Variants in DNAAF5 observed in about 807,000 individuals in gnomAD.
DNAAF5 encodes HEAT repeat containing 2.
Under a neutral mutation model 75.8 loss-of-function variants are expected in DNAAF5, and 64 were observed. The ratio of observed to expected loss-of-function variants is 0.84; its 90% confidence interval spans 0.69 to 1.04. The LOEUF (loss-of-function observed/expected upper bound fraction) is 1.04. DNAAF5 is among the 50% of genes least tolerant of loss of function. The probability of loss-of-function intolerance (pLI) is 0.00; values close to 1 mark genes in which losing one functional copy is unlikely to be tolerated. For missense variants in DNAAF5, 1,269 were observed against 1,178.5 expected, an observed-to-expected ratio of 1.08 and a Z score of -1.12; for synonymous variants, 657 against 557.2, an observed-to-expected ratio of 1.18 and a Z score of -2.52.
chr7:755,296 C>T (rs1782447868), intron 5 of DNAAF5, among the ~76,000 whole-genome samples: 1 of 152,192 alleles, frequency 6.6e-6, no homozygotes, highest in Admixed American at 6.5e-5. Context: ...TTCTCACTCC[C>T]TGTCCACACT....
intron 4 of DNAAF5, among the ~76,000 whole-genome samples, chr7:752,278 C>T (rs1030755472): frequency 2.0e-5 from 3 of 152,260 alleles, no homozygotes; most frequent in African/African-American, 4.8e-5. Context: ...AGCCCAGAAC[C>T]GCAGAGCTAG....
Position 780,233 on chromosome 7 carries a change from A to G in DNAAF5, c.2431+89A>G. ...GTAGCTGAGCCGTGTGACCGGCCAC[A>G]GGGCCCTGGGGCACAGGAGGGGCCT... On this transcript the variant is annotated intron_variant, in intron 12 of 12. Transcript: ENST00000297440. 1.8e-5 allele frequency: 23 copies of G among 1,297,558 alleles called. No homozygotes were observed. The South Asian group carries it at 2.9e-4, about 17-fold the overall frequency. 80.4% of individuals were successfully genotyped at this position (1,297,558 alleles called of 1,614,324 possible).
intron 7 of DNAAF5, 32 bp downstream of exon 7, chr7:761,928 C>G (rs1483351533): frequency 3.2e-6 from 5 of 1,549,428 alleles, no homozygotes; most frequent in Non-Finnish European, 4.4e-6. Flanking sequence ...GCTGCTTGAC[C>G]TAGCGGAGCT....
rs575294790 is a variant in DNAAF5 at position 782,405 on chromosome 7, C to A, written c.2431+2261C>A. The stretch of plus-strand genomic sequence containing the variant: ...GAAACTCGCATCTTCCCGGCGTGGC[C>A]GCCTCCCCTCACGCGGCGTCAGAAA... On this transcript the variant is annotated intron_variant, in intron 12 of 12. Coordinates refer to ENST00000297440, the MANE Select transcript of DNAAF5 (RefSeq NM_017802.4). Among the ~76,000 whole-genome samples the A allele has an allele frequency of 2.7e-5, 4 of 147,294 alleles. No homozygotes were observed. The East Asian group carries it at 8.3e-4, about 31-fold the overall frequency.
rs1778545379 is a variant in DNAAF5, at chr7:770,980, G to GAACAAGCTCTCGGCAGGC, written c.1931+364_1931+365insCAAGCTCTCGGCAGGCAA. 1.5e-5 allele frequency: 3 copies of GAACAAGCTCTCGGCAGGC among 203,456 alleles called. No homozygotes were observed. The South Asian group carries it at 4.4e-4, about 30-fold the overall frequency. The allele number at this position is 203,456 out of a possible 1,614,324, so 12.6% of individuals were successfully genotyped here. On this transcript the variant is annotated intron_variant, in intron 9 of 12. Coordinates refer to ENST00000297440, the MANE Select transcript of DNAAF5 (RefSeq NM_017802.4). ...TGGGTAAACACAAGCTCTCGGCAGG[G>GAACAAGCTCTCGGCAGGC]AATGCACAGAGAAGCACTAAGTCAA...
At chr7:774,731 GC>G (rs1778700354) in intron 10 of DNAAF5, among the ~76,000 whole-genome samples, 1 of 152,218 alleles carries the variant, frequency 6.6e-6, no homozygotes, top group Non-Finnish European at 1.5e-5. Context: ...CCAGCCGAAA[GC>G]CCCACGTCCT....
At chr7:744,157 T>A (rs1712926478) in intron 4 of DNAAF5, among the ~76,000 whole-genome samples, 1 of 152,140 alleles carries the variant, frequency 6.6e-6, no homozygotes, top group Admixed American at 6.5e-5. Context: ...TTCTCATTGT[T>A]CAATTCCCAC....
At chr7:771,880 G>T (rs1400516285) in intron 9 of DNAAF5, 1 of 152,226 alleles carries the variant, frequency 6.6e-6, no homozygotes, top group East Asian at 1.9e-4. Context: ...GTGGAAGGCG[G>T]TTGGCGTCAA....
chr7:752,968 T>G (rs1213404997), intron 4 of DNAAF5, among the ~76,000 whole-genome samples: 2 of 152,212 alleles, frequency 1.3e-5, no homozygotes, highest in African/African-American at 2.4e-5. Context: ...ACGCTCGGCG[T>G]CGTTAGTCAT....
At chr7:759,396 G>A (rs1364380148) in intron 6 of DNAAF5, among the ~76,000 whole-genome samples, 1 of 152,162 alleles carries the variant, frequency 6.6e-6, no homozygotes, top group African/African-American at 2.4e-5. Context: ...CTGGGAAGGA[G>A]TTTAGGACAG....
intron 2 of DNAAF5, among the ~76,000 whole-genome samples, chr7:737,821 C>A (rs574940458): frequency 8.9e-4 from 136 of 152,228 alleles, no homozygotes; most frequent in African/African-American, 3.2e-3. Flanking sequence ...GTTGTTTTTT[C>A]TCTTGCTGCT....
rs1283730767 is a variant in DNAAF5 at position 726,904 on chromosome 7, C to A, written c.184C>A (p.Pro62Thr). ...GCGGCGCGCGCTGGAGGAGCCAGGCCCTGCCGCCGACCCCACCGCTTTCCA... is the reference window on the plus strand; with the variant it reads ...GCGGCGCGCGCTGGAGGAGCCAGGCACTGCCGCCGACCCCACCGCTTTCCA... ...ALRRALEEPG[P>T]AADPTAFQGP... Residue 62 changes from proline to threonine, a missense_variant, in exon 1 of 13, where the codon CCT becomes ACT. Transcript: ENST00000297440. 1 of 1,346,264 alleles carries A rather than the reference C, an allele frequency of 7.4e-7. No individual in the cohort carries two copies. Among genetic ancestry groups the A allele is most frequent in the Non-Finnish European group, 9.5e-7 (1 of 1,048,066 alleles). 83.4% of individuals were successfully genotyped at this position (1,346,264 alleles called of 1,614,324 possible).
intron 7 of DNAAF5, among the ~76,000 whole-genome samples, chr7:763,450 G>C (rs566811941): frequency 6.6e-6 from 1 of 152,198 alleles, no homozygotes; most frequent in East Asian, 1.9e-4. Context: ...CCACTTGCCC[G>C]CCCCTCTCTG....
At chr7:755,472 A>T (rs1337078400) in intron 5 of DNAAF5, among the ~76,000 whole-genome samples, 2 of 152,196 alleles carry the variant, frequency 1.3e-5, no homozygotes, top group Non-Finnish European at 2.9e-5. Context: ...GAGAACAACT[A>T]AAGCTTTGAC....
chr7:770,556 G>C lies in DNAAF5; in HGVS notation c.1869G>C (p.Leu623=), dbSNP rs1214846930. 6.2e-7 allele frequency: 1 copy of C among 1,613,838 alleles called. No homozygotes were observed. Among genetic ancestry groups the C allele is most frequent in the Non-Finnish European group, 8.5e-7 (1 of 1,180,008 alleles). ...LQPSQDPQMR[L]KLFSILSTVL... ...CCTCCCAAGACCCGCAGATGCGCCT[G>C]AAGCTGTTCTCCATCCTGTCCACCG... The change falls in exon 9 of 13, where the codon CTG becomes CTC. Residue 623 remains leucine, a synonymous_variant. Transcript: ENST00000297440.
chr7:783,842 C>A (rs1779062022), intron 12 of DNAAF5, among the ~76,000 whole-genome samples: 1 of 152,168 alleles, frequency 6.6e-6, no homozygotes, highest in Non-Finnish European at 1.5e-5. Flanking sequence ...CCTCACTCGT[C>A]CTCAGGACCT....
rs764779473 is a variant in DNAAF5 at position 770,544 on chromosome 7, G to A, written c.1857G>A (p.Pro619=). The change falls in exon 9 of 13, where the codon CCG becomes CCA. Residue 619 remains proline (P), a synonymous_variant. Coordinates refer to ENST00000297440, the MANE Select transcript of DNAAF5 (RefSeq NM_017802.4). Reference sequence around the variant, plus strand: ...CCTGTCTGCAGCCCTCCCAAGACCCGCAGATGCGCCTGAAGCTGTTCTCCA... The same window carrying A: ...CCTGTCTGCAGCCCTCCCAAGACCCACAGATGCGCCTGAAGCTGTTCTCCA... ...LRACLQPSQD[P]QMRLKLFSIL... 1.5e-5 allele frequency: 25 copies of A among 1,613,922 alleles called. No homozygotes were observed. Among genetic ancestry groups the A allele is most frequent in the Admixed American group, 1.5e-4 (9 of 60,030 alleles).
intron 6 of DNAAF5, among the ~76,000 whole-genome samples, chr7:761,218 A>G (rs942005461): frequency 4.0e-5 from 6 of 150,762 alleles, no homozygotes; most frequent in Non-Finnish European, 7.4e-5. Context: ...ACGCCCTTTT[A>G]TGGTTGACAT....
Position 754,901 on chromosome 7 carries a change from A to G in DNAAF5, c.1257+80A>G. ...CCGCCTCTGTGGTGTGCGGGGCCCG[A>G]GGCTGTACTGTAGCCAAGACAGCGT... is the stretch of plus-strand genomic sequence containing the variant. On this transcript the variant is annotated intron_variant, in intron 5 of 12. Transcript: ENST00000297440. This position sits in a 1 kb window ranked among gnomAD's most constrained non-coding sequence, Gnocchi z 4.8. 1 of 1,107,286 alleles carries G rather than the reference A, an allele frequency of 9.0e-7. No homozygotes were observed. Among genetic ancestry groups the G allele is most frequent in the African/African-American group, 1.6e-5 (1 of 64,404 alleles). 68.6% of individuals were successfully genotyped at this position (1,107,286 alleles called of 1,614,324 possible).
Sources: gnomAD v4.1 joint callset for allele counts (sites outside exome capture counted in the v4.1 genomes callset) on GRCh38, gnomAD v4.1.1 for gene constraint, Gnocchi (gnomAD v3.1) non-coding constraint, MANE v1.5 for transcripts, NCBI Gene and HGNC (gene_info 2026-07-23, HGNC 2026-07-21) for gene names.